FOXO3: variants seen among roughly 807,000 people sequenced by gnomAD.
The protein encoded by FOXO3 is forkhead box O3, also known as forkhead box protein O3.
FOXO3 carries 4 observed loss-of-function variants against 41.9 expected under a neutral mutation model. The ratio of observed to expected loss-of-function variants is 0.10; its 90% CI spans 0.05 to 0.22. FOXO3 has a LOEUF of 0.22. Ranked by LOEUF, FOXO3 falls within the 10% of genes least tolerant of loss-of-function variation. The pLI, the probability that FOXO3 is intolerant of heterozygous loss-of-function variation, is 1.00. For missense variants in FOXO3, 534 were observed against 906.8 expected (o/e 0.59, Z 5.28); for synonymous variants, 318 against 389.3 (o/e 0.82, Z 2.16).
At chr6:108,570,016 T>G in intron 1 of FOXO3, among the ~76,000 whole-genome samples, 1 of 80,650 alleles carries the variant, frequency 1.2e-5, no homozygotes, top group African/African-American at 3.9e-5. Context: ...TTTTTTTTTT[T>G]TGAGACAGAA....
intron 2 of FOXO3, among the ~76,000 whole-genome samples, chr6:108,677,441 C>T (rs1770654591): frequency 6.6e-6 from 1 of 152,124 alleles, no homozygotes. Flanking sequence ...GCTGTGTTGG[C>T]CCAGCCCACA....
chr6:108,625,323 A>G (rs542040466), intron 1 of FOXO3, among the ~76,000 whole-genome samples: 1 of 152,296 alleles, frequency 6.6e-6, no homozygotes, highest in Non-Finnish European at 1.5e-5. Context: ...TTTAACCTTA[A>G]AAGAGTGATT....
At chr6:108,604,199 A>C (rs1249427799) in intron 1 of FOXO3, among the ~76,000 whole-genome samples, 1 of 152,184 alleles carries the variant, frequency 6.6e-6, no homozygotes, top group Non-Finnish European at 1.5e-5. Flanking sequence ...CAAGATTTTT[A>C]TGTAGATATT....
At chr6:108,617,528 A>G (rs1299605845) in intron 1 of FOXO3, among the ~76,000 whole-genome samples, 1 of 152,182 alleles carries the variant, frequency 6.6e-6, no homozygotes, top group Non-Finnish European at 1.5e-5. Context: ...TATAACAGCT[A>G]CATACAAAAA....
intron 1 of FOXO3, among the ~76,000 whole-genome samples, chr6:108,661,340 A>G (rs1242713842): frequency 6.6e-6 from 1 of 151,836 alleles, no homozygotes; most frequent in Non-Finnish European, 1.5e-5. Flanking sequence ...ATATATGTAT[A>G]TATAACTTTT....
intron 1 of FOXO3, among the ~76,000 whole-genome samples, chr6:108,590,932 C>T (rs1776716964): frequency 1.3e-5 from 2 of 152,168 alleles, no homozygotes; most frequent in South Asian, 2.1e-4. Flanking sequence ...TGACAGCAGA[C>T]GAAACTGAGG....
intron 1 of FOXO3, among the ~76,000 whole-genome samples, chr6:108,569,910 G>C (rs753839162): frequency 6.7e-6 from 1 of 149,762 alleles, no homozygotes; most frequent in African/African-American, 2.5e-5. Context: ...TTTTCAGTAC[G>C]TGTTTAGGAA....
At chr6:108,612,055 G>A (rs1320887620) in intron 1 of FOXO3, among the ~76,000 whole-genome samples, 1 of 151,936 alleles carries the variant, frequency 6.6e-6, no homozygotes, top group African/African-American at 2.4e-5. Flanking sequence ...ATTTTGTCAG[G>A]TAGTATAACT....
chr6:108,568,855 C>T (rs975031923), intron 1 of FOXO3, among the ~76,000 whole-genome samples: 1 of 152,174 alleles, frequency 6.6e-6, no homozygotes, highest in African/African-American at 2.4e-5. Flanking sequence ...GCATAAGTCT[C>T]TGAAAACTCC....
chr6:108,663,392 C>A (rs116176567), intron 1 of FOXO3, 63 bp from the exon 2 acceptor site: 1 of 1,523,076 alleles, frequency 6.6e-7, no homozygotes, highest in Non-Finnish European at 8.8e-7. Context: ...TTTACTATAT[C>A]ATCTGGGTGC....
rs750580274 is a variant in FOXO3 at position 108,663,957 on chromosome 6, C to T, written c.1124C>T (p.Thr375Ile). 1 of 1,614,164 alleles carries T rather than the reference C, an allele frequency of 6.2e-7. No individual in the cohort carries two copies. The highest frequency in any genetic ancestry group is 2.2e-5 in the East Asian group (1 of 44,872). ...ELPRLTDMAG[T>I]MNLNDGLTEN... ...CCACGGCTGACTGATATGGCAGGCA[C>T]CATGAATCTGAATGATGGGCTGACT... Residue 375 changes from threonine to isoleucine, a missense_variant, in exon 2 of 3, where the codon ACC (threonine) becomes ATC (isoleucine). Coordinates refer to ENST00000406360, the MANE Select transcript of FOXO3 (RefSeq NM_001455.4).
intron 1 of FOXO3, among the ~76,000 whole-genome samples, chr6:108,570,007 T>TTTTTTTTTTTTC (rs1776054165): frequency 3.0e-5 from 4 of 134,236 alleles, no homozygotes; most frequent in African/African-American, 5.8e-5. Flanking sequence ...TTTTTTTTTT[T>TTTTTTTTTTTTC]TTTTTTTTTT....
intron 1 of FOXO3, among the ~76,000 whole-genome samples, chr6:108,652,481 G>C (rs1328466006): frequency 6.6e-6 from 1 of 152,100 alleles, no homozygotes; most frequent in Non-Finnish European, 1.5e-5. Context: ...CTTATTCCTT[G>C]GTCACTTGTT....
At chr6:108,606,634 G>A (rs537512174) in intron 1 of FOXO3, among the ~76,000 whole-genome samples, 2 of 152,336 alleles carry the variant, frequency 1.3e-5, no homozygotes, top group Admixed American at 1.3e-4. Flanking sequence ...TGAACAAGCA[G>A]GTTCAGAAAG....
At chr6:108,608,796 T>C (rs1415593580) in intron 1 of FOXO3, among the ~76,000 whole-genome samples, 1 of 152,200 alleles carries the variant, frequency 6.6e-6, no homozygotes, top group Non-Finnish European at 1.5e-5. Context: ...TGAAGAAATA[T>C]CCTATTCTCA....
intron 2 of FOXO3, among the ~76,000 whole-genome samples, chr6:108,674,956 A>T (rs1468948678): frequency 3.3e-5 from 5 of 152,204 alleles, no homozygotes; most frequent in Admixed American, 2.6e-4. Flanking sequence ...GAATCTTAAG[A>T]AAATACTAAA....
At chr6:108,633,140 T>A (rs1001687357) in intron 1 of FOXO3, among the ~76,000 whole-genome samples, 2 of 152,190 alleles carry the variant, frequency 1.3e-5, no homozygotes, top group Non-Finnish European at 2.9e-5. Flanking sequence ...TTGAGCATAG[T>A]GCTTGATACT....
intron 1 of FOXO3, among the ~76,000 whole-genome samples, chr6:108,661,509 T>A (rs941978680): frequency 6.6e-6 from 1 of 152,074 alleles, no homozygotes; most frequent in Non-Finnish European, 1.5e-5. Context: ...TTTTACAGAT[T>A]AGAATGAGCC....
Position 108,675,374 on chromosome 6 carries a change from G to A in FOXO3, c.*35-4453G>A, listed in dbSNP as rs77479069. Among the ~76,000 whole-genome samples the A allele has an allele frequency of 9.4e-3, 1,437 of 152,268 alleles. 7 individuals are homozygous for A. Among genetic ancestry groups the A allele is most frequent in the Middle Eastern group, 0.014 (4 of 294 alleles). On this transcript the variant is annotated intron_variant, in intron 2 of 2. Transcript: ENST00000406360. ...CTAGGCTCTGAGGTGTCCTGGAGGC[G>A]AAGACTCTGGAGGACCTTGTCACCA...
Sources: gnomAD v4.1 joint callset for allele counts (sites outside exome capture counted in the v4.1 genomes callset) on GRCh38, gnomAD v4.1.1 for gene constraint, MANE v1.5 for transcripts, NCBI Gene and HGNC (gene_info 2026-07-23, HGNC 2026-07-21) for gene names.